KITLG: variants seen among roughly 807,000 people sequenced by gnomAD.
KITLG encodes the protein KIT ligand.
KITLG carries 13 observed loss-of-function variants against 34.1 expected under a neutral mutation model. The observed-to-expected ratio is 0.38, with a 90% CI of 0.25 to 0.61. The LOEUF is 0.61. Among genes scored for constraint, KITLG ranks in the 20% least tolerant of loss-of-function variants. KITLG has a pLI of 0.60. For synonymous variants in KITLG, 110 were observed against 104.0 expected, an observed-to-expected ratio of 1.06 and a Z score of -0.35; for missense variants, 292 against 318.9, an observed-to-expected ratio of 0.92 and a Z score of 0.64.
chr12:88,494,573 G>A lies in KITLG; in HGVS notation c.*2646C>T, dbSNP rs527397134. On this transcript the variant is annotated 3_prime_UTR_variant, in exon 10 of 10. Transcript: ENST00000644744. ...TTCTCTGACTCATTAAAATGTGGCAGTGTGGTAAGCACATTAAATTACAAT... is the reference window on the plus strand; with the variant it reads ...TTCTCTGACTCATTAAAATGTGGCAATGTGGTAAGCACATTAAATTACAAT... 1 of 152,464 alleles carries A rather than the reference G, an allele frequency of 6.6e-6. No homozygotes were observed. Among genetic ancestry groups the A allele is most frequent in the Non-Finnish European group, 1.5e-5 (1 of 67,904 alleles). 9.4% of individuals were successfully genotyped at this position (152,464 alleles called of 1,614,324 possible).
intron 2 of KITLG, among the ~76,000 whole-genome samples, chr12:88,539,146 T>C (rs1870430870): frequency 6.6e-6 from 1 of 152,138 alleles, no homozygotes; most frequent in Non-Finnish European, 1.5e-5. Flanking sequence ...ATCACTGATC[T>C]AAAAACCTTT....
At chr12:88,526,524 A>G (rs560097463) in intron 3 of KITLG, among the ~76,000 whole-genome samples, 6 of 152,318 alleles carry the variant, frequency 3.9e-5, no homozygotes, top group African/African-American at 1.4e-4. Flanking sequence ...ATGAGCATCC[A>G]TGAGGCACTG....
intron 1 of KITLG, among the ~76,000 whole-genome samples, chr12:88,550,388 G>A (rs1298780545): frequency 1.3e-5 from 2 of 150,820 alleles, no homozygotes; most frequent in East Asian, 2.0e-4. Flanking sequence ...GAAAGAAGGG[G>A]TGAGATTCAG....
intron 2 of KITLG, among the ~76,000 whole-genome samples, chr12:88,535,268 G>C (rs1260058294): frequency 6.6e-6 from 1 of 152,132 alleles, no homozygotes; most frequent in East Asian, 1.9e-4. Context: ...TGGTGGTAGG[G>C]CAGTGTATAA....
At chr12:88,577,620 T>C (rs566563690) in intron 1 of KITLG, among the ~76,000 whole-genome samples, 3 of 128,452 alleles carry the variant, frequency 2.3e-5, no homozygotes, top group Non-Finnish European at 5.2e-5. Context: ...AACCACACAA[T>C]CTGAATAAAA....
chr12:88,540,832 T>C (rs1592574918), intron 2 of KITLG, among the ~76,000 whole-genome samples: 1 of 152,198 alleles, frequency 6.6e-6, no homozygotes, highest in African/African-American at 2.4e-5. Flanking sequence ...TAGCTTTAAA[T>C]AGAGAAAGAA....
intron 7 of KITLG, 37 bp from the exon 8 acceptor site, chr12:88,506,415 C>T (rs1323216655): frequency 2.0e-5 from 28 of 1,387,094 alleles, no homozygotes; most frequent in Non-Finnish European, 2.8e-5. Context: ...GTAAAATAAT[C>T]AATGAATGGT....
chr12:88,573,397 T>C (rs1163494573), intron 1 of KITLG, among the ~76,000 whole-genome samples: 1 of 152,188 alleles, frequency 6.6e-6, no homozygotes, highest in Non-Finnish European at 1.5e-5. Flanking sequence ...CTCAGCACTG[T>C]AGGGCCCTAA....
chr12:88,537,574 T>C (rs1870372988), intron 2 of KITLG, among the ~76,000 whole-genome samples: 1 of 151,752 alleles, frequency 6.6e-6, no homozygotes, highest in Admixed American at 6.6e-5. Flanking sequence ...CTCAGCATCA[T>C]ACAATATACC....
At chr12:88,529,000 TTGGAA>T (rs1264880464) in intron 3 of KITLG, among the ~76,000 whole-genome samples, 1 of 152,180 alleles carries the variant, frequency 6.6e-6, no homozygotes. Context: ...AAGAGTGGAA[TTGGAA>T]TGTTCCTAAC....
chr12:88,557,631 A>G (rs892894945), intron 1 of KITLG, among the ~76,000 whole-genome samples: 2 of 152,152 alleles, frequency 1.3e-5, no homozygotes, highest in Non-Finnish European at 1.5e-5. Context: ...CATTTCTCAG[A>G]TGCCCTTTAA....
At chr12:88,563,593 G>T (rs1216576849) in intron 1 of KITLG, among the ~76,000 whole-genome samples, 1 of 152,148 alleles carries the variant, frequency 6.6e-6, no homozygotes, top group Non-Finnish European at 1.5e-5. Context: ...TGTTTATCGT[G>T]AGATCCATGG....
chr12:88,551,329 C>T (rs1444752588), intron 1 of KITLG, among the ~76,000 whole-genome samples: 1 of 152,114 alleles, frequency 6.6e-6, no homozygotes, highest in Non-Finnish European at 1.5e-5. Flanking sequence ...AGCTGAAATG[C>T]AGAGCTTACT....
At chr12:88,541,189 T>C (rs1340107452) in intron 2 of KITLG, among the ~76,000 whole-genome samples, 1 of 152,168 alleles carries the variant, frequency 6.6e-6, no homozygotes, top group Non-Finnish European at 1.5e-5. Context: ...TACGATAATC[T>C]CCATGAATCA....
chr12:88,498,772 G>A (rs1868738299), intron 9 of KITLG, among the ~76,000 whole-genome samples: 1 of 152,124 alleles, frequency 6.6e-6, no homozygotes, highest in Admixed American at 6.6e-5. Flanking sequence ...CTACTCTGGG[G>A]GTGAGGCACA....
At chr12:88,503,508 G>C (rs1868942297) in intron 9 of KITLG, among the ~76,000 whole-genome samples, 1 of 152,190 alleles carries the variant, frequency 6.6e-6, no homozygotes. Context: ...GCATGCAACT[G>C]TGGTAAATGC....
intron 3 of KITLG, among the ~76,000 whole-genome samples, chr12:88,520,521 G>A (rs1168743972): frequency 3.9e-5 from 6 of 152,084 alleles, no homozygotes; most frequent in Non-Finnish European, 8.8e-5. Flanking sequence ...GAAATTCCAG[G>A]TATTAATCTC....
chr12:88,506,183 T>C, intron 8 of KITLG, 128 bp downstream of exon 8: 1 of 728,526 alleles, frequency 1.4e-6, no homozygotes, highest in Non-Finnish European at 2.5e-6. Context: ...ATGGATAGAG[T>C]TGGGACTCAC....
At chr12:88,506,187 G>C (rs1458784689) in intron 8 of KITLG, 124 bp downstream of exon 8, 4 of 738,092 alleles carry the variant, frequency 5.4e-6, no homozygotes, top group Non-Finnish European at 1.0e-5. Flanking sequence ...ATAGAGTTGG[G>C]ACTCACTGGT....
Sources: allele counts gnomAD v4.1 joint callset (sites outside exome capture counted in the v4.1 genomes callset), GRCh38; gene constraint gnomAD v4.1.1; transcripts MANE v1.5; gene names NCBI Gene and HGNC (gene_info 2026-07-23, HGNC 2026-07-21).